CACNA2D3: variants seen among roughly 807,000 people sequenced by gnomAD.
CACNA2D3 encodes the protein voltage-dependent calcium channel subunit alpha-2/delta-3.
In CACNA2D3, 60 loss-of-function variants were observed where a neutral mutation model predicts 160.6. That is an observed-to-expected ratio of 0.37 (90% confidence interval 0.30 to 0.46). CACNA2D3 has a LOEUF of 0.46. Among genes scored for constraint, CACNA2D3 ranks in the 20% least tolerant of loss-of-function variants. The probability of loss-of-function intolerance (pLI) is 1.00; values close to 1 mark genes in which losing one functional copy is unlikely to be tolerated. For synonymous variants in CACNA2D3, 558 were observed against 492.9 expected, an observed-to-expected ratio of 1.13 and a Z score of -1.75; for missense variants, 1,205 against 1,365.0, an observed-to-expected ratio of 0.88 and a Z score of 1.85.
intron 11 of CACNA2D3, among the ~76,000 whole-genome samples, chr3:54,740,582 C>T (rs1173354644): frequency 6.6e-6 from 1 of 152,154 alleles, no homozygotes; most frequent in Non-Finnish European, 1.5e-5. Context: ...TGTCCTTCCC[C>T]CTTCCACAAA....
intron 27 of CACNA2D3, among the ~76,000 whole-genome samples, chr3:54,906,273 A>C (rs1700446371): frequency 6.6e-6 from 1 of 152,144 alleles, no homozygotes; most frequent in Non-Finnish European, 1.5e-5. Context: ...ATTGATTTCT[A>C]GTAGTGGTAA....
intron 5 of CACNA2D3, among the ~76,000 whole-genome samples, chr3:54,533,093 C>G (rs1186714458): frequency 6.6e-6 from 1 of 152,154 alleles, no homozygotes; most frequent in Non-Finnish European, 1.5e-5. Flanking sequence ...CAGACTTGCC[C>G]TCCTACCTGC....
intron 4 of CACNA2D3, among the ~76,000 whole-genome samples, chr3:54,428,062 G>A (rs530524712): frequency 6.6e-6 from 1 of 152,304 alleles, no homozygotes; most frequent in South Asian, 2.1e-4. Flanking sequence ...TTTGAAAAAT[G>A]TCTGAAGCAT....
chr3:54,956,874 A>G (rs1050653548), intron 27 of CACNA2D3, among the ~76,000 whole-genome samples: 2 of 152,180 alleles, frequency 1.3e-5, no homozygotes, highest in Non-Finnish European at 2.9e-5. Flanking sequence ...AGAGCACACT[A>G]CATCTTACAG....
intron 5 of CACNA2D3, among the ~76,000 whole-genome samples, chr3:54,520,465 C>T (rs531155365): frequency 6.6e-6 from 1 of 152,318 alleles, no homozygotes; most frequent in African/African-American, 2.4e-5. Context: ...TGGACAGCAT[C>T]AGGAAGGAGT....
At chr3:54,402,935 A>G (rs1396094973) in intron 4 of CACNA2D3, among the ~76,000 whole-genome samples, 2 of 152,228 alleles carry the variant, frequency 1.3e-5, no homozygotes, top group Non-Finnish European at 2.9e-5. Flanking sequence ...AGTATTATTT[A>G]TGACCACAAG....
chr3:54,154,548 T>G (rs1700209150), intron 2 of CACNA2D3, among the ~76,000 whole-genome samples: 1 of 152,180 alleles, frequency 6.6e-6, no homozygotes, highest in Admixed American at 6.5e-5. Flanking sequence ...GAATGATTAT[T>G]GTTTCCCCAA....
intron 11 of CACNA2D3, among the ~76,000 whole-genome samples, chr3:54,705,280 T>A (rs2038752904): frequency 1.3e-5 from 2 of 152,244 alleles, no homozygotes; most frequent in South Asian, 4.1e-4. Flanking sequence ...CCAGCAAAGT[T>A]AGCTCTTGGT....
chr3:54,123,857 G>T (rs189661182), intron 2 of CACNA2D3, among the ~76,000 whole-genome samples: 32 of 152,258 alleles, frequency 2.1e-4, no homozygotes, highest in Admixed American at 8.5e-4. Context: ...GAGTGTTTTT[G>T]CATGGCTCTC....
At chr3:54,775,491 C>T (rs959625995) in intron 13 of CACNA2D3, among the ~76,000 whole-genome samples, 4 of 152,150 alleles carry the variant, frequency 2.6e-5, no homozygotes, top group Middle Eastern at 3.2e-3. Context: ...CCTTGCACTG[C>T]AGAGCCTAGG....
chr3:54,221,706 G>C (rs749543242), intron 2 of CACNA2D3, among the ~76,000 whole-genome samples: 1 of 152,114 alleles, frequency 6.6e-6, no homozygotes, highest in Non-Finnish European at 1.5e-5. Flanking sequence ...TATAACGTAT[G>C]TACCTTGTCC....
In CACNA2D3 at chr3:54,741,603, A is replaced by T. The variant is rs906078490; in HGVS notation, c.1168-10996A>T. Among the ~76,000 whole-genome samples the T allele has an allele frequency of 7.6e-3, 174 of 22,750 alleles. 1 individual carries two copies. The highest frequency in any genetic ancestry group is 0.012 in the African/African-American group (164 of 13,764). 14.9% of individuals were successfully genotyped at this position (22,750 alleles called of 152,430 possible). On this transcript the variant is annotated intron_variant, in intron 11 of 37. Coordinates refer to ENST00000474759, the MANE Select transcript of CACNA2D3 (RefSeq NM_018398.3). ...AGAAAAAAAAATAATAAGAAAAATA[A>T]AAAAAAAAAAGACTGTTATTTCACC...
At chr3:55,005,003 C>T (rs528584207) in intron 32 of CACNA2D3, among the ~76,000 whole-genome samples, 165 bp downstream of exon 32, 40 of 151,334 alleles carry the variant, frequency 2.6e-4, no homozygotes, top group African/African-American at 6.3e-4. Flanking sequence ...AGGCCGGGCG[C>T]GGCAGCTCAT....
In CACNA2D3 at chr3:54,903,863, G is replaced by A. The variant is rs1362634102; in HGVS notation, c.2449+3995G>A. Reference sequence around the variant, plus strand: ...GAGCTGCATGTATGTCTTCTTCTGAGAAGTGTCTATTCATGTCCTTTGCCC... The same window carrying A: ...GAGCTGCATGTATGTCTTCTTCTGAAAAGTGTCTATTCATGTCCTTTGCCC... On this transcript the variant is annotated intron_variant, in intron 27 of 37. Transcript: ENST00000474759. Among the ~76,000 whole-genome samples, 6 of 152,110 alleles carry A rather than the reference G, an allele frequency of 3.9e-5. No individual in the cohort carries two copies. In the South Asian group the frequency reaches 1.2e-3, roughly 32 times the overall value.
intron 11 of CACNA2D3, among the ~76,000 whole-genome samples, chr3:54,716,745 C>T (rs536126863): frequency 4.9e-4 from 75 of 152,138 alleles, no homozygotes; most frequent in Middle Eastern, 3.4e-3. Flanking sequence ...TTTGTTTTTC[C>T]ATGTCTCAGC....
At chr3:54,292,252 TCATGAC>T (rs1201607727) in intron 2 of CACNA2D3, among the ~76,000 whole-genome samples, 1 of 152,100 alleles carries the variant, frequency 6.6e-6, no homozygotes, top group Non-Finnish European at 1.5e-5. Context: ...ATGTCAAATT[TCATGAC>T]CTTGGATTTG....
At chr3:54,597,960 G>A (rs1030658421) in intron 9 of CACNA2D3, among the ~76,000 whole-genome samples, 1 of 152,016 alleles carries the variant, frequency 6.6e-6, no homozygotes, top group Non-Finnish European at 1.5e-5. Flanking sequence ...TCACACCCCT[G>A]TGAGCTGCCC....
At chr3:55,005,136 C>T (rs1022588694) in intron 32 of CACNA2D3, among the ~76,000 whole-genome samples, 2 of 151,898 alleles carry the variant, frequency 1.3e-5, no homozygotes, top group Non-Finnish European at 1.5e-5. Flanking sequence ...ATTAGCCAGG[C>T]GTGGTGGCGT....
chr3:54,130,031 G>A (rs569094429), intron 2 of CACNA2D3, among the ~76,000 whole-genome samples: 1 of 152,330 alleles, frequency 6.6e-6, no homozygotes, highest in Admixed American at 6.5e-5. Flanking sequence ...AATTTTGTAG[G>A]CAGTTGAATC....
Sources: gnomAD v4.1 joint callset for allele counts (sites outside exome capture counted in the v4.1 genomes callset) on GRCh38, gnomAD v4.1.1 for gene constraint, MANE v1.5 for transcripts, NCBI Gene and HGNC (gene_info 2026-07-23, HGNC 2026-07-21) for gene names.